The following PCDHA9 variants were observed in gnomAD, a reference collection of about 807,000 sequenced individuals.
The protein encoded by PCDHA9 is protocadherin alpha-9.
A neutral mutation model predicts 62.0 loss-of-function variants in PCDHA9; 62 were observed. That is an observed-to-expected ratio of 1.00 (90% CI 0.81 to 1.23). PCDHA9 has a LOEUF of 1.23. PCDHA9 is among the 50% of genes most tolerant of loss of function. The pLI, the probability that PCDHA9 is intolerant of heterozygous loss-of-function variation, is 0.00. For synonymous variants in PCDHA9, 557 were observed against 567.6 expected (o/e 0.98, Z 0.27); for missense variants, 1,205 against 1,249.8 (o/e 0.96, Z 0.54).
At chr5:140,931,260 T>G (rs576177407) in intron 1 of PCDHA9, among the ~76,000 whole-genome samples, 1 of 152,156 alleles carries the variant, frequency 6.6e-6, no homozygotes, top group South Asian at 2.1e-4. Context: ...GAAATTTCAC[T>G]ATTTATTTCT....
At chr5:141,003,938 G>A (rs1195315346) in intron 3 of PCDHA9, among the ~76,000 whole-genome samples, 1 of 152,178 alleles carries the variant, frequency 6.6e-6, no homozygotes, top group Non-Finnish European at 1.5e-5. Flanking sequence ...GTCTTTGCCT[G>A]AGGGTGAGCT....
intron 1 of PCDHA9, chr5:140,883,208 A>G: frequency 6.2e-7 from 1 of 1,614,034 alleles, no homozygotes; most frequent in Non-Finnish European, 8.5e-7. Flanking sequence ...CGAAGAAAAG[A>G]AATTATATGA....
intron 1 of PCDHA9, chr5:140,881,265 T>C (rs1352186503): frequency 1.7e-6 from 1 of 600,348 alleles, no homozygotes; most frequent in Non-Finnish European, 2.1e-6. Context: ...TACTCAGTGA[T>C]GATGAAGTAA....
intron 1 of PCDHA9, chr5:140,877,110 C>A (rs1554169339): frequency 1.1e-5 from 18 of 1,613,500 alleles, no homozygotes; most frequent in Middle Eastern, 1.7e-4. Flanking sequence ...CGCCTCTGGG[C>A]AGCAACGTGA....
intron 1 of PCDHA9, chr5:140,871,553 G>T (rs1390415919): frequency 6.7e-7 from 1 of 1,491,208 alleles, no homozygotes; most frequent in East Asian, 2.5e-5. Context: ...TTAAAATCCA[G>T]TTTTTTTTCA....
chr5:140,903,543 A>C (rs1309997907), intron 1 of PCDHA9, among the ~76,000 whole-genome samples: 2 of 152,206 alleles, frequency 1.3e-5, no homozygotes, highest in East Asian at 3.8e-4. Flanking sequence ...TAGAGCAAGA[A>C]ACTTTTCTAA....
At chr5:140,989,013 G>A (rs1171400170) in intron 3 of PCDHA9, 1 of 152,208 alleles carries the variant, frequency 6.6e-6, no homozygotes, top group Non-Finnish European at 1.5e-5. Context: ...ACTTATTATA[G>A]TTTCTTCAGT....
chr5:140,875,401 G>T, intron 1 of PCDHA9: 1 of 1,487,486 alleles, frequency 6.7e-7, no homozygotes, highest in Non-Finnish European at 8.9e-7. Context: ...AAGGGTGACT[G>T]CTCATAAAAT....
In PCDHA9 at chr5:140,927,795, G is replaced by T; in HGVS notation, c.2395-51154G>T. ...TGCAAGTAGCTGCTTCACTAGGTCC[G>T]CCTGAAACGCTCTTGGAGGCATACA... On this transcript the variant is annotated intron_variant, in intron 1 of 3. Transcript: ENST00000532602. The T allele has an allele frequency of 1.9e-6, 3 of 1,614,144 alleles. 1 individual carries two copies. The highest frequency in any genetic ancestry group is 2.2e-5 in the South Asian group (2 of 91,080).
At position 140,848,861 on chromosome 5, in the gene PCDHA9, G is replaced by A. The variant is rs2150423051; in HGVS notation, c.366G>A (p.Glu122=). 3.1e-4 allele frequency: 495 copies of A among 1,590,730 alleles called. 45 individuals carry two copies. The highest frequency in any genetic ancestry group is 4.3e-4 in the Admixed American group (25 of 58,818). ...RPLQVFHVDV[E]VKDINDNPPV... Reference sequence around the variant, plus strand: ...TGCAGGTTTTCCATGTGGACGTGGAGGTGAAGGACATTAACGACAACCCTC... The same window carrying A: ...TGCAGGTTTTCCATGTGGACGTGGAAGTGAAGGACATTAACGACAACCCTC... Residue 122 remains glutamate (E), a synonymous_variant, in exon 1 of 4, where the codon GAG becomes GAA. Coordinates refer to ENST00000532602, the MANE Select transcript of PCDHA9 (RefSeq NM_031857.2).
intron 3 of PCDHA9, among the ~76,000 whole-genome samples, chr5:140,990,735 C>T (rs1554251705): frequency 6.6e-6 from 1 of 152,112 alleles, no homozygotes; most frequent in African/African-American, 2.4e-5. Flanking sequence ...ATATCAACAG[C>T]CCTAGGGTGG....
Position 140,850,762 on chromosome 5 carries a change from A to T in PCDHA9, c.2267A>T (p.Gln756Leu). 1 of 1,598,020 alleles carries T rather than the reference A, an allele frequency of 6.3e-7. No individual in the cohort carries two copies. The highest frequency in any genetic ancestry group is 1.1e-5 in the South Asian group (1 of 90,516). The change falls in exon 1 of 4, where the codon CAG (glutamine) becomes CTG (leucine). Residue 756 changes from glutamine to leucine, a missense_variant. Coordinates refer to ENST00000532602, the MANE Select transcript of PCDHA9 (RefSeq NM_031857.2). ...TGGTCGTACTCGCAGCAGAGGAGGCAGAGGGTGTGCTCTGGCGAGGGTAAG... is the reference window on the plus strand; with the variant it reads ...TGGTCGTACTCGCAGCAGAGGAGGCTGAGGGTGTGCTCTGGCGAGGGTAAG... The part of the protein sequence containing the change: ...GSWSYSQQRR[Q>L]RVCSGEGKQK...
chr5:140,926,976 GGA>G (rs1184794302), intron 1 of PCDHA9: 3 of 1,610,286 alleles, frequency 1.9e-6, no homozygotes, highest in Non-Finnish European at 2.5e-6. Context: ...CAGTGCCGGA[GGA>G]GACGGAGCGG....
chr5:140,868,199 A>G (rs1367327575), intron 1 of PCDHA9: 2 of 152,150 alleles, frequency 1.3e-5, no homozygotes, highest in East Asian at 1.9e-4. Flanking sequence ...TATGGCTTAC[A>G]TTAGAAATAA....
At chr5:140,907,021 C>A (rs950958374) in intron 1 of PCDHA9, among the ~76,000 whole-genome samples, 1 of 152,168 alleles carries the variant, frequency 6.6e-6, no homozygotes, top group Non-Finnish European at 1.5e-5. Flanking sequence ...TCTAGGCCAG[C>A]AGAACATAAT....
intron 3 of PCDHA9, among the ~76,000 whole-genome samples, chr5:141,004,397 GA>G (rs2098164833): frequency 6.6e-6 from 1 of 152,188 alleles, no homozygotes; most frequent in African/African-American, 2.4e-5. Context: ...ACATGTGGAG[GA>G]GGCACCTGAC....
At chr5:140,862,894 TTGTC>T (rs782757160) in intron 1 of PCDHA9, 2 of 559,636 alleles carry the variant, frequency 3.6e-6, no homozygotes, top group East Asian at 4.8e-5. Flanking sequence ...AACGACAACT[TTGTC>T]TGCGCTGCTG....
At chr5:140,870,614 C>A (rs782305059) in intron 1 of PCDHA9, 1 of 1,613,212 alleles carries the variant, frequency 6.2e-7, no homozygotes, top group South Asian at 1.1e-5. Flanking sequence ...CGCGCGCTGT[C>A]GAGCTACGTG....
rs1562723002 is a variant in PCDHA9, at chr5:140,876,958, G to C, written c.2394+26069G>C. 3 of 1,613,288 alleles carry C rather than the reference G, an allele frequency of 1.9e-6. No individual in the cohort carries two copies. The East Asian group carries it at 6.7e-5, about 36-fold the overall frequency. On this transcript the variant is annotated intron_variant, in intron 1 of 3. Transcript: ENST00000532602. ...CGCGCTGGTGTCCTACTCGCTGGTG[G>C]AGCGGCGGGTGGGCGAGCACGCACT...
Sources: allele counts gnomAD v4.1 joint callset (sites outside exome capture counted in the v4.1 genomes callset), GRCh38; gene constraint gnomAD v4.1.1; transcripts MANE v1.5; gene names NCBI Gene and HGNC (gene_info 2026-07-23, HGNC 2026-07-21).